Variants in PNKD observed in about 807,000 individuals in gnomAD.
The protein encoded by PNKD is probable thioesterase PNKD.
Under a neutral mutation model 45.3 loss-of-function variants are expected in PNKD, and 36 were observed. The observed-to-expected ratio is 0.80, with a 90% CI of 0.61 to 1.05. PNKD has a LOEUF of 1.05. PNKD is among the 50% of genes least tolerant of loss of function. The pLI, the probability that PNKD is intolerant of heterozygous loss-of-function variation, is 0.00. For synonymous variants in PNKD, 197 were observed against 210.1 expected, an observed-to-expected ratio of 0.94 and a Z score of 0.54; for missense variants, 511 against 506.6, an observed-to-expected ratio of 1.01 and a Z score of -0.08.
chr2:218,301,718 G>T (rs984857222), intron 2 of PNKD, among the ~76,000 whole-genome samples: 2 of 152,062 alleles, frequency 1.3e-5, no homozygotes, highest in Admixed American at 1.3e-4. Flanking sequence ...CCCCAGGAGG[G>T]TCAGGGCTGC....
At chr2:218,299,135 A>AT (rs1275985073) in intron 2 of PNKD, among the ~76,000 whole-genome samples, 6 of 151,470 alleles carry the variant, frequency 4.0e-5, no homozygotes, top group Admixed American at 3.3e-4. Flanking sequence ...ATTTTATTTT[A>AT]TTTATTTATT....
chr2:218,337,971 A>G (rs984016376), intron 2 of PNKD, among the ~76,000 whole-genome samples: 2 of 152,062 alleles, frequency 1.3e-5, no homozygotes, highest in African/African-American at 4.8e-5. Context: ...ACATGGTGAA[A>G]CCCCATCTCT....
At chr2:218,313,903 C>CTTTT (rs10550174) in intron 2 of PNKD, among the ~76,000 whole-genome samples, 13 of 77,684 alleles carry the variant, frequency 1.7e-4, no homozygotes, top group East Asian at 4.1e-4. Context: ...TTCTTTATTT[C>CTTTT]TTTTTTTTTT....
chr2:218,327,730 T>C, intron 2 of PNKD: 1 of 153,016 alleles, frequency 6.5e-6, no homozygotes, highest in Non-Finnish European at 1.5e-5. Flanking sequence ...TTCCTGCACT[T>C]CTGTCTGACC....
At chr2:218,277,909 C>T (rs778883470) in intron 2 of PNKD, 1 of 1,614,122 alleles carries the variant, frequency 6.2e-7, no homozygotes, top group South Asian at 1.1e-5. Flanking sequence ...CATCTCCACA[C>T]CCTCCTGCCA....
intron 2 of PNKD, among the ~76,000 whole-genome samples, chr2:218,273,265 TTTG>T (rs1314256344): frequency 8.6e-6 from 1 of 116,152 alleles, no homozygotes; most frequent in Non-Finnish European, 1.6e-5. Flanking sequence ...CCTCATTTGT[TTTG>T]TTTTTTGTTT....
chr2:218,295,615 G>A lies in PNKD; in HGVS notation c.236+24066G>A, dbSNP rs184065353. On this transcript the variant is annotated intron_variant, in intron 2 of 9. Coordinates refer to ENST00000273077, the MANE Select transcript of PNKD (RefSeq NM_015488.5). Reference sequence around the variant, plus strand: ...CAGTTGCCCCAGCAAGCTAGGATGGGGGGTGGAGGGTGCAGTGGGGTAGAA... The same window carrying A: ...CAGTTGCCCCAGCAAGCTAGGATGGAGGGTGGAGGGTGCAGTGGGGTAGAA... Among the ~76,000 whole-genome samples, 20 of 152,156 alleles carry A rather than the reference G, an allele frequency of 1.3e-4. 1 individual carries two copies. The East Asian group carries it at 3.9e-3, about 29-fold the overall frequency.
chr2:218,320,395 C>A (rs577723422), intron 2 of PNKD, among the ~76,000 whole-genome samples: 1 of 152,294 alleles, frequency 6.6e-6, no homozygotes, highest in African/African-American at 2.4e-5. Context: ...TCAAAGTCTG[C>A]TCTTCTAGCT....
chr2:218,280,726 G>A (rs1286720592), intron 2 of PNKD: 1 of 152,498 alleles, frequency 6.6e-6, no homozygotes, highest in African/African-American at 2.4e-5. Flanking sequence ...ATGCCTGAAT[G>A]CCTCTTTGGG....
At chr2:218,272,237 C>CT (rs1231334250) in intron 2 of PNKD, among the ~76,000 whole-genome samples, 1 of 151,300 alleles carries the variant, frequency 6.6e-6, no homozygotes, top group Non-Finnish European at 1.5e-5. Context: ...CCTGGAAAAT[C>CT]CTGCACAGGT....
chr2:218,271,493 G>A lies in PNKD; in HGVS notation c.180G>A (p.Leu60=), dbSNP rs1690829634. 6.2e-7 allele frequency: 1 copy of A among 1,614,200 alleles called. No individual in the cohort carries two copies. Among genetic ancestry groups the A allele is most frequent in the East Asian group, 2.2e-5 (1 of 44,890 alleles). Residue 60 remains leucine (L), a synonymous_variant, in exon 2 of 10, where the codon CTG becomes CTA. Transcript: ENST00000273077. ...KEEPEPLSPE[L]EYIPRKRGKN... ...AACCTGAACCCCTATCCCCGGAGCT[G>A]GAATACATTCCCAGAAAGAGGGGCA...
At position 218,342,237 on chromosome 2, in the gene PNKD, T is replaced by G; in HGVS notation, c.781+93T>G. 3 of 1,047,182 alleles carry G rather than the reference T, an allele frequency of 2.9e-6. No individual in the cohort carries two copies. The South Asian group carries it at 3.9e-5, about 14-fold the overall frequency. 64.9% of individuals were successfully genotyped at this position (1,047,182 alleles called of 1,614,324 possible). On this transcript the variant is annotated intron_variant, in intron 7 of 9. Coordinates refer to ENST00000273077, the MANE Select transcript of PNKD (RefSeq NM_015488.5). ...CCCATGGAGAGCACTGAAGCCTTAGTTTTAGCACAGATGTTGCCGTGGCAG... is the reference window on the plus strand; with the variant it reads ...CCCATGGAGAGCACTGAAGCCTTAGGTTTAGCACAGATGTTGCCGTGGCAG...
intron 2 of PNKD, among the ~76,000 whole-genome samples, chr2:218,307,553 A>G (rs984059083): frequency 6.6e-6 from 1 of 152,152 alleles, no homozygotes; most frequent in Admixed American, 6.6e-5. Flanking sequence ...CAGGAGGTGG[A>G]GCTCAGAGGG....
At chr2:218,295,025 C>T (rs1207397867) in intron 2 of PNKD, among the ~76,000 whole-genome samples, 4 of 152,176 alleles carry the variant, frequency 2.6e-5, no homozygotes, top group Admixed American at 2.0e-4. Flanking sequence ...CAATCACCAG[C>T]GACTCACATC....
chr2:218,275,530 G>A, intron 2 of PNKD: 1 of 1,614,180 alleles, frequency 6.2e-7, no homozygotes, highest in South Asian at 1.1e-5. Flanking sequence ...GATGATGTCT[G>A]TGTAAATCTG....
rs1002294645 is a variant in PNKD, at chr2:218,344,351, A to C, written c.869-104A>C. On this transcript the variant is annotated intron_variant, in intron 8 of 9. Coordinates refer to ENST00000273077, the MANE Select transcript of PNKD (RefSeq NM_015488.5). The stretch of plus-strand genomic sequence containing the variant: ...TCCTGGAAGTGCTGACCTCATCCCT[A>C]GTTGTCAGGTGCCCATCAGCCTGGA... 11 of 800,916 alleles carry C rather than the reference A, an allele frequency of 1.4e-5. No individual in the cohort carries two copies. The Admixed American group carries it at 2.2e-4, about 16-fold the overall frequency. 49.6% of individuals were successfully genotyped at this position (800,916 alleles called of 1,614,324 possible). A position where few individuals can be genotyped will look rare whatever the true frequency, so the allele number is the denominator to read the frequency against.
chr2:218,283,773 G>C (rs976782324), intron 2 of PNKD, among the ~76,000 whole-genome samples: 1 of 152,160 alleles, frequency 6.6e-6, no homozygotes. Context: ...AGGGGGAATT[G>C]AATAAAAGTC....
In PNKD at chr2:218,270,543, C is replaced by T. The variant is rs751631915; in HGVS notation, c.8C>T (p.Ala3Val). The change falls in exon 1 of 10, where the codon GCG becomes GTG. Residue 3 changes from alanine (A) to valine (V), a missense_variant. Coordinates refer to ENST00000273077, the MANE Select transcript of PNKD (RefSeq NM_015488.5). The stretch of plus-strand genomic sequence containing the variant: ...CGGGGGTGGGATCTGAACATGGCGG[C>T]GGTGGTAGCTGCTACGGCGCTGAAG... MA[A>V]VVAATALKGR... The T allele has an allele frequency of 4.9e-6, 6 of 1,230,874 alleles. No individual in the cohort carries two copies. The highest frequency in any genetic ancestry group is 2.9e-5 in the South Asian group (1 of 34,476). The allele number at this position is 1,230,874 out of a possible 1,614,324, so 76.2% of individuals were successfully genotyped here. A position where few individuals can be genotyped will look rare whatever the true frequency, so the allele number is the denominator to read the frequency against.
intron 2 of PNKD, among the ~76,000 whole-genome samples, chr2:218,323,005 G>C (rs377125565): frequency 1.3e-5 from 2 of 151,084 alleles, no homozygotes; most frequent in Admixed American, 6.6e-5. Context: ...CCCGATCAGC[G>C]CAGGCTCGCG....
Sources: gnomAD v4.1 joint callset for allele counts (sites outside exome capture counted in the v4.1 genomes callset) on GRCh38, gnomAD v4.1.1 for gene constraint, MANE v1.5 for transcripts, NCBI Gene and HGNC (gene_info 2026-07-23, HGNC 2026-07-21) for gene names.